Variants in CDH26 observed in about 807,000 individuals in gnomAD.
CDH26 encodes cadherin-like protein 26.
In CDH26, 83 loss-of-function variants were observed where a neutral mutation model predicts 90.3. That is an observed-to-expected ratio of 0.92 (90% confidence interval 0.77 to 1.10). The LOEUF is 1.10. CDH26 is among the 50% of genes least tolerant of loss of function. The pLI is 0.00. For synonymous variants in CDH26, 397 were observed against 396.3 expected (o/e 1.00, Z -0.02); for missense variants, 1,013 against 1,037.6 (o/e 0.98, Z 0.33).
At position 60,025,338 on chromosome 20, in the gene CDH26, A is replaced by T. The variant is rs548603576; in HGVS notation, c.948-5893A>T. 1.5e-4 allele frequency among the ~76,000 whole-genome samples: 23 copies of T among 152,376 alleles called. 1 individual carries two copies. The highest frequency in any genetic ancestry group is 1.0e-3 in the Admixed American group (16 of 15,312). On this transcript the variant is annotated intron_variant, in intron 7 of 8. Transcript: ENST00000370991. ...TTTTTCCCATTATGTTTAAACAAGT[A>T]TATGTACAATGAGTGAGTTTCCTCC...
chr20:59,981,973 C>A (rs1321070046), intron 4 of CDH26, among the ~76,000 whole-genome samples: 4 of 151,838 alleles, frequency 2.6e-5, no homozygotes, highest in African/African-American at 7.3e-5. Flanking sequence ...TTTTCTGTTT[C>A]TTCTTGAGAA....
At chr20:59,961,299 G>A (rs1051450828) in intron 1 of CDH26, among the ~76,000 whole-genome samples, 1 of 152,144 alleles carries the variant, frequency 6.6e-6, no homozygotes, top group Non-Finnish European at 1.5e-5. Context: ...GTGGTTGGGT[G>A]GGGGTGGGCA....
rs2061431502 is a variant in CDH26, at chr20:59,984,726, C to T, written c.629C>T (p.Thr210Ile). The T allele has an allele frequency of 6.2e-7, 1 of 1,613,804 alleles. No homozygotes were observed. Among genetic ancestry groups the T allele is most frequent in the African/African-American group, 1.3e-5 (1 of 74,906 alleles). ...GTCCTTTACTTCCTCATTTCTCAAACACCATTACTGAAAGAAAGTGGTTTC... is the reference window on the plus strand; with the variant it reads ...GTCCTTTACTTCCTCATTTCTCAAATACCATTACTGAAAGAAAGTGGTTTC... Reference protein sequence around the residue: ...SQVLYFLISQTPLLKESGFRV... With the variant: ...SQVLYFLISQIPLLKESGFRV... Residue 210 changes from threonine (T) to isoleucine (I), a missense_variant, in exon 6 of 18, where the codon ACA (threonine) becomes ATA (isoleucine). Transcript: ENST00000348616.
At chr20:60,024,003 A>G (rs966907705) in intron 7 of CDH26, among the ~76,000 whole-genome samples, 4 of 151,834 alleles carry the variant, frequency 2.6e-5, no homozygotes, top group Admixed American at 2.0e-4. Flanking sequence ...TCAGCAGAGC[A>G]TGGAGGCCCA....
Position 59,984,680 on chromosome 20 carries a change from GAA to G in CDH26, c.586_587del (p.Asn196HisfsTer25). 3 of 1,613,070 alleles carry G rather than the reference GAA, an allele frequency of 1.9e-6. No homozygotes were observed. Among genetic ancestry groups the G allele is most frequent in the Non-Finnish European group, 2.5e-6 (3 of 1,179,732 alleles). ...FQMLAVDLDE[E>X]NTPNSQVLYF... The stretch of plus-strand genomic sequence containing the variant: ...GATGTTAGCAGTCGATTTGGATGAA[GAA>G]AACACTCCAAATTCTCAAGTCCTTT... On this transcript the variant is annotated frameshift_variant, in exon 6 of 18. Transcript: ENST00000348616. LOFTEE classifies it high-confidence loss of function.
At chr20:59,975,982 T>C (rs1280082242) in intron 4 of CDH26, among the ~76,000 whole-genome samples, 1 of 152,222 alleles carries the variant, frequency 6.6e-6, no homozygotes, top group Non-Finnish European at 1.5e-5. Flanking sequence ...TTTCAATTTT[T>C]TTCTGTGTAT....
At chr20:60,024,962 C>T (rs1469303804) in intron 7 of CDH26, among the ~76,000 whole-genome samples, 1 of 152,198 alleles carries the variant, frequency 6.6e-6, no homozygotes, top group Non-Finnish European at 1.5e-5. Flanking sequence ...GCGCCCTCCT[C>T]TGCCTCTCCT....
intron 1 of CDH26, among the ~76,000 whole-genome samples, chr20:59,967,251 C>T (rs144798074): frequency 0.013 from 1,931 of 152,242 alleles, 25 homozygotes; most frequent in Middle Eastern, 0.037. Flanking sequence ...CTCAACACTT[C>T]GAAGCAAATA....
intron 7 of CDH26, among the ~76,000 whole-genome samples, chr20:60,028,105 G>T (rs1306366296): frequency 3.9e-5 from 6 of 152,138 alleles, no homozygotes. Context: ...CACCTGGGTA[G>T]GTCTGTGTAA....
At chr20:59,979,456 C>T (rs907544970) in intron 4 of CDH26, among the ~76,000 whole-genome samples, 3 of 152,058 alleles carry the variant, frequency 2.0e-5, no homozygotes, top group Non-Finnish European at 4.4e-5. Context: ...CTGGGCCTAC[C>T]AAAGTGCTGG....
At chr20:59,966,231 TAAAAAAAAAAAAA>T (rs60088029) in intron 1 of CDH26, among the ~76,000 whole-genome samples, 3 of 76,250 alleles carry the variant, frequency 3.9e-5, no homozygotes, top group African/African-American at 1.3e-4. Context: ...GGTGTTGCAT[TAAAAAAAAAAAAA>T]AAAAAAAAAA....
In CDH26 at chr20:59,992,137, G is replaced by A. The variant is rs1222583480; in HGVS notation, c.1284-241G>A. ...TGTTCAGTCCAACAAGGAGGGGGAC[G>A]CTTGGTCTTCTGGTGAATGTCAATT... On this transcript the variant is annotated intron_variant, in intron 9 of 17. Coordinates refer to ENST00000348616, the MANE Select transcript of CDH26 (RefSeq NM_177980.4). The surrounding 1 kb of genome is among the most constrained non-coding windows in gnomAD (Gnocchi z 5.0). Among the ~76,000 whole-genome samples, 2 of 152,166 alleles carry A rather than the reference G, an allele frequency of 1.3e-5. No individual in the cohort carries two copies. The highest frequency in any genetic ancestry group is 2.9e-5 in the Non-Finnish European group (2 of 68,032).
rs928943004 is a variant in CDH26 at position 59,958,756 on chromosome 20, G to A, written c.30G>A (p.Ser10=). 1.5e-5 allele frequency: 25 copies of A among 1,613,948 alleles called. No homozygotes were observed. The highest frequency in any genetic ancestry group is 6.6e-5 in the South Asian group (6 of 91,090). Residue 10 remains serine, a synonymous_variant, in exon 1 of 18, where the codon TCG becomes TCA. Transcript: ENST00000348616. MAMRSGRHP[S]LLLLLVLLLW... The stretch of plus-strand genomic sequence containing the variant: ...CCATGAGATCCGGGAGGCACCCCTC[G>A]CTGCTGCTGCTTCTAGTGCTGCTGC...
chr20:59,960,141 C>T lies in CDH26; in HGVS notation c.69+1346C>T, dbSNP rs538481920. ...CTTACCTTGGATCAAGTTGAACTTA[C>T]CTAGGGAGCTTCAAGGGATCTCAGT... On this transcript the variant is annotated intron_variant, in intron 1 of 17. Transcript: ENST00000348616. 9.9e-5 allele frequency among the ~76,000 whole-genome samples: 15 copies of T among 152,258 alleles called. 1 individual carries two copies. The South Asian group carries it at 3.1e-3, about 32-fold the overall frequency.
rs1389560425 is a variant in CDH26 at position 59,987,572 on chromosome 20, T to C, written c.957T>C (p.Asn319=). 1 of 1,613,926 alleles carries C rather than the reference T, an allele frequency of 6.2e-7. No homozygotes were observed. Among genetic ancestry groups the C allele is most frequent in the East Asian group, 2.2e-5 (1 of 44,890 alleles). Residue 319 remains asparagine, a synonymous_variant, in exon 8 of 18, where the codon AAT becomes AAC. Coordinates refer to ENST00000348616, the MANE Select transcript of CDH26 (RefSeq NM_177980.4). ...WRAKFNILHG[N]EEGHFDISTD... is the part of the protein sequence containing the mutation. ...CAAAATTCAACATATTGCATGGCAA[T>C]GAAGAGGGGCATTTTGACATTTCGA... is the stretch of plus-strand genomic sequence containing the variant.
intron 4 of CDH26, among the ~76,000 whole-genome samples, chr20:59,977,306 C>A (rs2061338479): frequency 6.6e-6 from 1 of 152,146 alleles, no homozygotes; most frequent in Admixed American, 6.5e-5. Flanking sequence ...CAGAACAGGC[C>A]TCTGCCTGGA....
At chr20:60,001,640 G>A in intron 15 of CDH26, 18 of 979,000 alleles carry the variant, frequency 1.8e-5, no homozygotes, top group Non-Finnish European at 2.2e-5. Flanking sequence ...TGATAATCCT[G>A]ATCAAATATG....
At chr20:59,971,547 A>T (rs998979003) in intron 3 of CDH26, among the ~76,000 whole-genome samples, 1 of 152,182 alleles carries the variant, frequency 6.6e-6, no homozygotes, top group African/African-American at 2.4e-5. Context: ...ATTTCTCTAC[A>T]GATTTTCTGA....
At chr20:59,978,867 C>T (rs2061357149) in intron 4 of CDH26, among the ~76,000 whole-genome samples, 1 of 152,150 alleles carries the variant, frequency 6.6e-6, no homozygotes, top group Admixed American at 6.5e-5. Flanking sequence ...ACTTCTTTGA[C>T]AATATAATGA....
Sources: gnomAD v4.1 joint callset for allele counts (sites outside exome capture counted in the v4.1 genomes callset) on GRCh38, gnomAD v4.1.1 for gene constraint, Gnocchi (gnomAD v3.1) non-coding constraint, MANE v1.5 for transcripts, NCBI Gene and HGNC (gene_info 2026-07-23, HGNC 2026-07-21) for gene names.